Variants in PPP6C observed in about 807,000 individuals in gnomAD.
The protein encoded by PPP6C is serine/threonine-protein phosphatase 6 catalytic subunit.
A neutral mutation model predicts 39.8 loss-of-function variants in PPP6C; 11 were observed. That is an observed-to-expected ratio of 0.28 (90% CI 0.17 to 0.46). The LOEUF (loss-of-function observed/expected upper bound fraction) is 0.46, where lower values mean the gene tolerates loss of function less well. Among genes scored for constraint, PPP6C ranks in the 20% least tolerant of loss-of-function variants. The pLI is 1.00. For synonymous variants in PPP6C, 129 were observed against 130.3 expected (o/e 0.99, Z 0.07); for missense variants, 211 against 373.9 (o/e 0.56, Z 3.59).
At chr9:125,151,709 C>A in intron 6 of PPP6C, 1 of 441,342 alleles carries the variant, frequency 2.3e-6, no homozygotes, top group Admixed American at 3.1e-5. Flanking sequence ...TTTCTATATC[C>A]CACATCAGGT....
chr9:125,153,903 T>TA lies in PPP6C; in HGVS notation c.459+2dup. On this transcript the variant is annotated splice_region_variant and intron_variant, in intron 5 of 6. Transcript: ENST00000373547. ...ACATGAGACTTTAAAAATAGAAACT[T>TA]ACAGCTGCTACTGTGAGCATGTCAA... The TA allele has an allele frequency of 6.3e-7, 1 of 1,595,632 alleles. No homozygotes were observed. Among genetic ancestry groups the TA allele is most frequent in the East Asian group, 2.2e-5 (1 of 44,764 alleles).
chr9:125,171,224 A>G, intron 1 of PPP6C, 44 bp from the exon 2 acceptor site: 1 of 1,413,330 alleles, frequency 7.1e-7, no homozygotes. Context: ...CTACAACATT[A>G]AAACTAAAGA....
chr9:125,179,687 G>A (rs1428197517), intron 1 of PPP6C, among the ~76,000 whole-genome samples: 3 of 122,928 alleles, frequency 2.4e-5, no homozygotes, highest in African/African-American at 9.5e-5. Flanking sequence ...ACAAAGTCTT[G>A]CTTTGTCGTT....
At chr9:125,186,070 C>T (rs1829524827) in intron 1 of PPP6C, among the ~76,000 whole-genome samples, 1 of 152,112 alleles carries the variant, frequency 6.6e-6, no homozygotes. Flanking sequence ...AAATCTGGAA[C>T]ATCGTATGCA....
intron 4 of PPP6C, 30 bp downstream of exon 4, chr9:125,158,211 A>C: frequency 6.4e-7 from 1 of 1,564,510 alleles, no homozygotes; most frequent in South Asian, 1.1e-5. Flanking sequence ...GTAAAATAAT[A>C]TTCAGAATCA....
chr9:125,187,827 G>A (rs1316040275), intron 1 of PPP6C, among the ~76,000 whole-genome samples: 6 of 151,824 alleles, frequency 4.0e-5, no homozygotes, highest in South Asian at 4.1e-4. Flanking sequence ...AATGTCTGAA[G>A]GACTCAGATG....
In PPP6C at chr9:125,160,843, T is replaced by A. The variant is rs367960616; in HGVS notation, c.235A>T (p.Met79Leu). ...TGATATCACTGGTGTTTACATACCA[T>A]AAATATGTAGTTTGTGTCAGGAACC... ...GQVPDTNYIF[M>L]GDFVDRGYYS... Residue 79 changes from methionine (M) to leucine (L), a missense_variant and splice_region_variant, in exon 3 of 7, where the codon ATG becomes TTG. By Grantham distance (15) the Met-to-Leu change is conservative. Around this residue, in one of 2 missense-constraint regions of PPP6C, gnomAD observed 168 missense variants for 342.6 expected, o/e 0.49. Coordinates refer to ENST00000373547, the MANE Select transcript of PPP6C (RefSeq NM_002721.5). 3.8e-6 allele frequency: 6 copies of A among 1,578,876 alleles called. No homozygotes were observed. The African/African-American group carries it at 8.2e-5, about 22-fold the overall frequency.
intron 6 of PPP6C, among the ~76,000 whole-genome samples, chr9:125,150,398 C>T (rs1267524504): frequency 6.6e-6 from 1 of 150,860 alleles, no homozygotes; most frequent in Non-Finnish European, 1.5e-5. Context: ...CATTATGATG[C>T]TGGAGCACTT....
chr9:125,162,324 G>A (rs1290014575), intron 2 of PPP6C, among the ~76,000 whole-genome samples: 1 of 151,734 alleles, frequency 6.6e-6, no homozygotes. Flanking sequence ...CAGGGGTGGT[G>A]GCCTGCACCT....
At chr9:125,160,800 C>A (rs766788739) in intron 3 of PPP6C, 41 bp downstream of exon 3, 8 of 1,365,506 alleles carry the variant, frequency 5.9e-6, no homozygotes, top group Non-Finnish European at 7.0e-6. Context: ...CAGATCCTTT[C>A]CATTTTAAAC....
In PPP6C at chr9:125,153,784, G is replaced by A. The variant is rs750884863; in HGVS notation, c.460-42C>T. 11 of 1,580,460 alleles carry A rather than the reference G, an allele frequency of 7.0e-6. No homozygotes were observed. The South Asian group carries it at 1.2e-4, about 17-fold the overall frequency. On this transcript the variant is annotated intron_variant, in intron 5 of 6. Transcript: ENST00000373547. ...ACAAAGAGTTGAACATATAACCTCA[G>A]GCATATCTAAACTCATCAGTGAATA...
intron 3 of PPP6C, among the ~76,000 whole-genome samples, chr9:125,159,036 GT>G (rs1176354960): frequency 3.0e-3 from 352 of 117,990 alleles, no homozygotes; most frequent in Middle Eastern, 5.2e-3. Flanking sequence ...TATTTTTTAA[GT>G]TTTTTTTTTT....
At chr9:125,173,226 C>G (rs561508596) in intron 1 of PPP6C, among the ~76,000 whole-genome samples, 3 of 151,874 alleles carry the variant, frequency 2.0e-5, no homozygotes, top group African/African-American at 7.3e-5. Context: ...GCCTGGCCAA[C>G]GTAGTGAAAC....
At chr9:125,180,717 G>C (rs1238591963) in intron 1 of PPP6C, among the ~76,000 whole-genome samples, 1 of 152,170 alleles carries the variant, frequency 6.6e-6, no homozygotes, top group Non-Finnish European at 1.5e-5. Flanking sequence ...CACTGTGTCT[G>C]GCCGGTTCCC....
intron 2 of PPP6C, among the ~76,000 whole-genome samples, chr9:125,168,266 C>A (rs1245533661): frequency 6.6e-6 from 1 of 152,170 alleles, no homozygotes; most frequent in African/African-American, 2.4e-5. Flanking sequence ...TAACTCCTCA[C>A]TATATTACAC....
chr9:125,150,608 G>C lies in PPP6C; in HGVS notation c.670-687C>G, dbSNP rs557542443. On this transcript the variant is annotated intron_variant, in intron 6 of 6. Transcript: ENST00000373547. The stretch of plus-strand genomic sequence containing the variant: ...TTTGGTTGCAGTCTCTGCAGCAGCA[G>C]TGATCACTTAGTGAAGAGTGCTTAG... The C allele has an allele frequency of 4.3e-5, 37 of 860,376 alleles. 1 individual carries two copies. In the East Asian group the frequency reaches 1.8e-3, roughly 41 times the overall value. 53.3% of individuals were successfully genotyped at this position (860,376 alleles called of 1,614,324 possible).
In PPP6C at chr9:125,148,434, C is replaced by G. The variant is rs1334966029; in HGVS notation, c.*1239G>C. The G allele has an allele frequency of 6.6e-6, 1 of 152,208 alleles. No individual in the cohort carries two copies. The highest frequency in any genetic ancestry group is 2.4e-5 in the African/African-American group (1 of 41,452). The allele number at this position is 152,208 out of a possible 1,614,324, so 9.4% of individuals were successfully genotyped here. On this transcript the variant is annotated 3_prime_UTR_variant, in exon 7 of 7. Coordinates refer to ENST00000373547, the MANE Select transcript of PPP6C (RefSeq NM_002721.5). Reference sequence around the variant, plus strand: ...GTTGCATATTCAGAACTGATCATCACAACCCTTTGGATATTCAAATTACTT... The same window carrying G: ...GTTGCATATTCAGAACTGATCATCAGAACCCTTTGGATATTCAAATTACTT...
At chr9:125,177,993 T>C (rs113213549) in intron 1 of PPP6C, among the ~76,000 whole-genome samples, 3,536 of 152,322 alleles carry the variant, frequency 0.023, 142 homozygotes, top group African/African-American at 0.081. Flanking sequence ...TCATTTCTTC[T>C]TAGCACTGCA....
chr9:125,161,753 A>G (rs1262867564), intron 2 of PPP6C, among the ~76,000 whole-genome samples: 1 of 152,156 alleles, frequency 6.6e-6, no homozygotes, highest in Non-Finnish European at 1.5e-5. Flanking sequence ...TCATATTTCT[A>G]TTTACTGAAA....
Sources: allele counts gnomAD v4.1 joint callset (sites outside exome capture counted in the v4.1 genomes callset), GRCh38; gene constraint gnomAD v4.1.1; regional missense constraint gnomAD v4.1.1; transcripts MANE v1.5; gene names NCBI Gene and HGNC (gene_info 2026-07-23, HGNC 2026-07-21).